Variants in KNDC1 observed in about 807,000 individuals in gnomAD.
KNDC1 encodes kinase non-catalytic C-lobe domain-containing protein 1.
Under a neutral mutation model 172.8 loss-of-function variants are expected in KNDC1, and 106 were observed. The ratio of observed to expected loss-of-function variants is 0.61; its 90% CI spans 0.52 to 0.72. The LOEUF (loss-of-function observed/expected upper bound fraction) is 0.72. KNDC1 is among the 30% of genes least tolerant of loss of function. The pLI is 0.00. For missense variants in KNDC1, 2,325 were observed against 2,394.5 expected, an observed-to-expected ratio of 0.97 and a Z score of 0.61; for synonymous variants, 1,083 against 1,062.2, an observed-to-expected ratio of 1.02 and a Z score of -0.38.
chr10:133,160,410 C>A lies in KNDC1; in HGVS notation c.-58C>A. On this transcript the variant is annotated 5_prime_UTR_variant, in exon 1 of 30. Transcript: ENST00000304613. The stretch of plus-strand genomic sequence containing the variant: ...CTCCATGGAGCCAGGGCGCGCGTAG[C>A]CGAGCCCAGCCCAGCCCAGCCGGAG... 9.0e-7 allele frequency: 1 copy of A among 1,111,838 alleles called. No homozygotes were observed. The highest frequency in any genetic ancestry group is 1.2e-6 in the Non-Finnish European group (1 of 850,958). 68.9% of individuals were successfully genotyped at this position (1,111,838 alleles called of 1,614,324 possible).
intron 9 of KNDC1, among the ~76,000 whole-genome samples, chr10:133,191,284 T>C (rs1854065677): frequency 6.6e-6 from 1 of 151,718 alleles, no homozygotes; most frequent in African/African-American, 2.4e-5. Flanking sequence ...ATGCCTGTAA[T>C]CCCAGCTACT....
rs1845548038 is a variant in KNDC1, at chr10:133,219,949, C to T, written c.4861-6C>T. ...TCCCCGGCCCACGCCCCGGCTGGAC[C>T]ACCAGGTCTTCCTGAAGAGCGACAG... On this transcript the variant is annotated splice_polypyrimidine_tract_variant and splice_region_variant and intron_variant, in intron 28 of 29. Transcript: ENST00000304613. 1 of 1,549,040 alleles carries T rather than the reference C, an allele frequency of 6.5e-7. No individual in the cohort carries two copies. The highest frequency in any genetic ancestry group is 8.7e-7 in the Non-Finnish European group (1 of 1,145,760).
intron 3 of KNDC1, among the ~76,000 whole-genome samples, chr10:133,171,362 C>A (rs1853371837): frequency 1.3e-5 from 2 of 152,202 alleles, no homozygotes; most frequent in Non-Finnish European, 2.9e-5. Context: ...CCTCCACCTC[C>A]TGGGCTCAAG....
At chr10:133,219,906 C>G (rs1159301427) in intron 28 of KNDC1, 49 bp from the exon 29 acceptor site, 3 of 1,527,386 alleles carry the variant, frequency 2.0e-6, no homozygotes, top group Admixed American at 2.0e-5. Context: ...GGCTCCTGCA[C>G]TGACCACGCC....
intron 6 of KNDC1, 31 bp downstream of exon 6, chr10:133,186,705 G>A (rs768280562): frequency 2.0e-6 from 3 of 1,508,338 alleles, no homozygotes; most frequent in South Asian, 2.6e-5. Context: ...TGTGGGTGGA[G>A]GGGTCGGCGG....
intron 3 of KNDC1, among the ~76,000 whole-genome samples, chr10:133,171,877 A>G (rs1853388254): frequency 6.6e-6 from 1 of 152,190 alleles, no homozygotes; most frequent in African/African-American, 2.4e-5. Context: ...TGGCCTCCCA[A>G]AGTGCTGGGA....
At position 133,186,449 on chromosome 10, in the gene KNDC1, G is replaced by A. The variant is rs1242869645; in HGVS notation, c.1101G>A (p.Gln367=). 3 of 1,612,524 alleles carry A rather than the reference G, an allele frequency of 1.9e-6. No homozygotes were observed. Among genetic ancestry groups the A allele is most frequent in the African/African-American group, 1.3e-5 (1 of 75,046 alleles). The change falls in exon 6 of 30, where the codon CAG becomes CAA. Residue 367 remains glutamine, a synonymous_variant. Coordinates refer to ENST00000304613, the MANE Select transcript of KNDC1 (RefSeq NM_152643.8). ...AQPKCRLWPE[Q]EPEHQLGRVP... ...CCAAATGCAGGCTGTGGCCGGAGCAGGAGCCGGAACACCAGCTGGGACGGG... is the reference window on the plus strand; with the variant it reads ...CCAAATGCAGGCTGTGGCCGGAGCAAGAGCCGGAACACCAGCTGGGACGGG...
At chr10:133,222,499 G>A (rs1282139350) in intron 29 of KNDC1, among the ~76,000 whole-genome samples, 8 of 90,040 alleles carry the variant, frequency 8.9e-5, no homozygotes, top group African/African-American at 3.4e-4. Flanking sequence ...CGGTGTGTGT[G>A]TGTGTGTGTG....
intron 3 of KNDC1, 61 bp from the exon 4 acceptor site, chr10:133,183,283 G>C: frequency 2.7e-6 from 4 of 1,489,388 alleles, no homozygotes; most frequent in Non-Finnish European, 3.6e-6. Flanking sequence ...AGAAGTGCTG[G>C]CCGCGGTCGG....
At position 133,218,937 on chromosome 10, in the gene KNDC1, C is replaced by T. The variant is rs1414435245; in HGVS notation, c.4784C>T (p.Ala1595Val). 6.2e-7 allele frequency: 1 copy of T among 1,613,786 alleles called. No homozygotes were observed. The highest frequency in any genetic ancestry group is 1.1e-5 in the South Asian group (1 of 91,088). ...ATCCTGAGCGGGCTGGAGCACCTGG[C>T]CGTGAGGCAGTCCCCTGTGCGTCCC... ...MQILSGLEHL[A>V]VRQSPAWRIL... is the part of the protein sequence containing the mutation. The change falls in exon 27 of 30, where the codon GCC (alanine) becomes GTC (valine). Residue 1595 changes from alanine to valine, a missense_variant. Physicochemically the swap from Ala to Val is moderately conservative, Grantham distance 64. Coordinates refer to ENST00000304613, the MANE Select transcript of KNDC1 (RefSeq NM_152643.8).
At chr10:133,204,756 T>C (rs1854475915) in intron 17 of KNDC1, among the ~76,000 whole-genome samples, 1 of 152,214 alleles carries the variant, frequency 6.6e-6, no homozygotes, top group South Asian at 2.1e-4. Flanking sequence ...TGTGTGGATC[T>C]GAGCCAACCG....
In KNDC1 at chr10:133,211,551, G is replaced by T; in HGVS notation, c.4038G>T (p.Glu1346Asp). ...ACAGCGGGCTGCTGGGGAAGCTAGA[G>T]GACTTCATCTCCTCCAAGGTGACAG... is the stretch of plus-strand genomic sequence containing the variant. Reference protein sequence around the residue: ...PRNSGLLGKLEDFISSKILPL... With the variant: ...PRNSGLLGKLDDFISSKILPL... Residue 1346 changes from glutamate (E) to aspartate (D), a missense_variant, in exon 22 of 30, where the codon GAG becomes GAT. Physicochemically the swap from Glu to Asp is conservative, Grantham distance 45. Coordinates refer to ENST00000304613, the MANE Select transcript of KNDC1 (RefSeq NM_152643.8). 1.2e-6 allele frequency: 2 copies of T among 1,613,876 alleles called. No homozygotes were observed. The highest frequency in any genetic ancestry group is 1.7e-6 in the Non-Finnish European group (2 of 1,179,828).
Position 133,168,317 on chromosome 10 carries a change from G to A in KNDC1, c.360+5G>A. 6.2e-7 allele frequency: 1 copy of A among 1,613,936 alleles called. No homozygotes were observed. Among genetic ancestry groups the A allele is most frequent in the African/African-American group, 1.3e-5 (1 of 75,060 alleles). ...GTGACCGGGAACACCTTTGAGGTAA[G>A]TGCAGGTGGGGGTAATGTGCCACAC... On this transcript the variant is annotated splice_donor_5th_base_variant and intron_variant, in intron 3 of 29. Transcript: ENST00000304613.
chr10:133,195,601 G>A (rs1231853260), intron 9 of KNDC1, 62 bp from the exon 10 acceptor site: 5 of 1,431,046 alleles, frequency 3.5e-6, no homozygotes, highest in South Asian at 1.6e-5. Context: ...AGGTGGGCAG[G>A]TCTGCTGGGC....
chr10:133,202,497 C>G (rs1300027037), intron 17 of KNDC1: 1 of 409,184 alleles, frequency 2.4e-6, no homozygotes, highest in Non-Finnish European at 4.9e-6. Context: ...ACCCACAGCC[C>G]CGACCTGGGC....
intron 25 of KNDC1, 103 bp downstream of exon 25, chr10:133,213,830 TC>T: frequency 6.9e-7 from 1 of 1,445,204 alleles, no homozygotes; most frequent in Non-Finnish European, 9.7e-7. Flanking sequence ...TGCCTGTGTC[TC>T]CAGAGACGCG....
chr10:133,178,042 CGTGTGTAGCATGGT>C (rs1465307003), intron 3 of KNDC1, among the ~76,000 whole-genome samples: 1 of 138,202 alleles, frequency 7.2e-6, no homozygotes, highest in African/African-American at 2.8e-5. Flanking sequence ...CATGGGCACA[CGTGTGTAGCATGGT>C]GTGTGTAGCG....
Position 133,221,535 on chromosome 10 carries a change from G to T in KNDC1, c.5018+1423G>T, listed in dbSNP as rs571434454. 8.6e-5 allele frequency among the ~76,000 whole-genome samples: 13 copies of T among 152,000 alleles called. 1 individual carries two copies. In the East Asian group the frequency reaches 2.5e-3, roughly 30 times the overall value. ...TCCCACCCTCCCGTCTCATCTCATCGCCTGCCGTTGTCCACACACGGTCAG... is the reference window on the plus strand; with the variant it reads ...TCCCACCCTCCCGTCTCATCTCATCTCCTGCCGTTGTCCACACACGGTCAG... On this transcript the variant is annotated intron_variant, in intron 29 of 29. Transcript: ENST00000304613.
Position 133,167,486 on chromosome 10 carries a change from G to A in KNDC1, c.208G>A (p.Ala70Thr), listed in dbSNP as rs1853206678. 6.2e-7 allele frequency: 1 copy of A among 1,605,534 alleles called. No individual in the cohort carries two copies. The change falls in exon 2 of 30, where the codon GCC becomes ACC. Residue 70 changes from alanine to threonine, a missense_variant. By Grantham distance (58) the Ala-to-Thr change is moderately conservative. Transcript: ENST00000304613. ...GTGCAGCCTGTCCATGCGGAGCGTG[G>A]CCCACGCCGCCATCTTCCAGAGCCT... ...LECSLSMRSVAHAAIFQSLCI... is the reference protein window; with the variant it reads ...LECSLSMRSVTHAAIFQSLCI...
Sources: allele counts gnomAD v4.1 joint callset (sites outside exome capture counted in the v4.1 genomes callset), GRCh38; gene constraint gnomAD v4.1.1; transcripts MANE v1.5; gene names NCBI Gene and HGNC (gene_info 2026-07-23, HGNC 2026-07-21).